The following EYA4 variants were observed in gnomAD, a reference collection of about 807,000 sequenced individuals.
EYA4 encodes the protein protein phosphatase EYA4.
In EYA4, 31 loss-of-function variants were observed where a neutral mutation model predicts 87.9. The observed-to-expected ratio is 0.35, with a 90% CI of 0.27 to 0.48. The LOEUF is 0.48. Among genes scored for constraint, EYA4 ranks in the 20% least tolerant of loss-of-function variants. The pLI is 0.99. For synonymous variants in EYA4, 263 were observed against 270.6 expected, an observed-to-expected ratio of 0.97 and a Z score of 0.28; for missense variants, 678 against 761.4, an observed-to-expected ratio of 0.89 and a Z score of 1.29.
intron 3 of EYA4, chr6:133,434,976 G>T (rs1339769958): frequency 6.6e-6 from 1 of 152,202 alleles, no homozygotes. Context: ...AGTGAATCCT[G>T]TGCCATTCAA....
At chr6:133,289,612 A>G (rs211433) in intron 2 of EYA4, among the ~76,000 whole-genome samples, 53,252 of 152,110 alleles carry the variant, frequency 0.35, 9,639 homozygotes, top group African/African-American at 0.43. Context: ...GGAAGAAACT[A>G]TGTGGCCTGT....
At chr6:133,250,789 C>T (rs899995812) in intron 1 of EYA4, among the ~76,000 whole-genome samples, 3 of 152,114 alleles carry the variant, frequency 2.0e-5, no homozygotes, top group African/African-American at 7.2e-5. Context: ...CAGAACATGC[C>T]TCATGGGGTT....
chr6:133,445,879 C>A (rs769909616), intron 3 of EYA4, among the ~76,000 whole-genome samples: 1 of 152,210 alleles, frequency 6.6e-6, no homozygotes, highest in Admixed American at 6.5e-5. Flanking sequence ...CGCGCCCGGC[C>A]TCTAGTTTCC....
intron 3 of EYA4, among the ~76,000 whole-genome samples, chr6:133,436,739 C>T (rs1229784182): frequency 6.6e-6 from 1 of 152,152 alleles, no homozygotes; most frequent in Admixed American, 6.5e-5. Context: ...GACCCATGTC[C>T]ACTTTATGCA....
Position 133,446,613 on chromosome 6 carries a change from G to C in EYA4, c.84-17G>C. 1 of 1,613,768 alleles carries C rather than the reference G, an allele frequency of 6.2e-7. No individual in the cohort carries two copies. Among genetic ancestry groups the C allele is most frequent in the Non-Finnish European group, 8.5e-7 (1 of 1,179,820 alleles). On this transcript the variant is annotated splice_polypyrimidine_tract_variant and intron_variant, in intron 3 of 19. Transcript: ENST00000355286. ...GCTGCAATTTCAACTTTTCTCTGCT[G>C]CTTACTGCTCTACCAGGTCTATGGA...
chr6:133,338,852 T>C (rs961415195), intron 2 of EYA4, among the ~76,000 whole-genome samples: 1 of 85,956 alleles, frequency 1.2e-5, no homozygotes, highest in Non-Finnish European at 3.3e-5. Flanking sequence ...ATTGCTTCTT[T>C]TTTTTTTTTG....
chr6:133,285,245 C>T (rs1043840033), intron 2 of EYA4, among the ~76,000 whole-genome samples: 1 of 152,108 alleles, frequency 6.6e-6, no homozygotes, highest in African/African-American at 2.4e-5. Flanking sequence ...ATCTGCCTGC[C>T]TCGGCCTCCC....
intron 3 of EYA4, among the ~76,000 whole-genome samples, 172 bp downstream of exon 3, chr6:133,382,613 A>T (rs773715026): frequency 6.6e-6 from 1 of 152,132 alleles, no homozygotes; most frequent in Non-Finnish European, 1.5e-5. Flanking sequence ...TCATAATATT[A>T]GTCAAAGGGA....
chr6:133,370,020 C>A (rs1785149095), intron 2 of EYA4, among the ~76,000 whole-genome samples: 1 of 152,180 alleles, frequency 6.6e-6, no homozygotes, highest in South Asian at 2.1e-4. Flanking sequence ...TGTTTACTAT[C>A]CAGGTCTCCT....
intron 2 of EYA4, among the ~76,000 whole-genome samples, chr6:133,318,953 G>T (rs996516859): frequency 6.6e-6 from 1 of 152,180 alleles, no homozygotes; most frequent in Non-Finnish European, 1.5e-5. Context: ...AATCTGTGGA[G>T]TTGTGTCCAA....
In EYA4 at chr6:133,523,193, T is replaced by G; in HGVS notation, c.1738+16T>G. 1 of 1,610,432 alleles carries G rather than the reference T, an allele frequency of 6.2e-7. No homozygotes were observed. The highest frequency in any genetic ancestry group is 1.1e-5 in the South Asian group (1 of 91,030). ...ACTAAAATAGGTAAGGAAATTATTTTAAACTCTGTATGGAATGTGTCCACA... is the reference window on the plus strand; with the variant it reads ...ACTAAAATAGGTAAGGAAATTATTTGAAACTCTGTATGGAATGTGTCCACA... On this transcript the variant is annotated intron_variant, in intron 18 of 19. Transcript: ENST00000355286.
intron 17 of EYA4, 68 bp from the exon 18 acceptor site, chr6:133,522,988 C>G (rs766165594): frequency 7.2e-7 from 1 of 1,389,782 alleles, no homozygotes; most frequent in African/African-American, 1.4e-5. Context: ...ACCACAGTGA[C>G]AATTTTAAAT....
intron 12 of EYA4, among the ~76,000 whole-genome samples, chr6:133,482,089 A>G (rs1220257323): frequency 6.6e-6 from 1 of 152,184 alleles, no homozygotes; most frequent in African/African-American, 2.4e-5. Context: ...ATTATATGTC[A>G]CTTTCTATTT....
intron 3 of EYA4, among the ~76,000 whole-genome samples, chr6:133,404,317 A>G (rs1424397981): frequency 6.6e-6 from 1 of 152,188 alleles, no homozygotes; most frequent in Non-Finnish European, 1.5e-5. Context: ...CCCAGTTACC[A>G]AAGCGATTAA....
intron 1 of EYA4, among the ~76,000 whole-genome samples, chr6:133,265,565 G>T (rs1172080403): frequency 6.6e-6 from 1 of 152,076 alleles, no homozygotes; most frequent in African/African-American, 2.4e-5. Context: ...AAATTATGAT[G>T]TAAAATAATA....
intron 2 of EYA4, among the ~76,000 whole-genome samples, chr6:133,343,751 T>C (rs1562311091): frequency 6.6e-6 from 1 of 151,980 alleles, no homozygotes; most frequent in East Asian, 1.9e-4. Flanking sequence ...TGTTTCAAAA[T>C]AGAAAAGGAA....
intron 2 of EYA4, among the ~76,000 whole-genome samples, chr6:133,313,663 G>A (rs190988785): frequency 6.6e-6 from 1 of 152,254 alleles, no homozygotes; most frequent in South Asian, 2.1e-4. Flanking sequence ...CAGCTATTCA[G>A]ATAACTTTAG....
intron 13 of EYA4, among the ~76,000 whole-genome samples, chr6:133,484,308 A>G (rs1426521795): frequency 1.3e-5 from 2 of 152,196 alleles, no homozygotes; most frequent in Non-Finnish European, 1.5e-5. Flanking sequence ...CCATTATTTT[A>G]TAATATCTCA....
At chr6:133,462,154 TG>T in intron 7 of EYA4, 180 bp from the exon 8 acceptor site, 1 of 695,118 alleles carries the variant, frequency 1.4e-6, no homozygotes, top group Non-Finnish European at 2.5e-6. Flanking sequence ...GTCACTAGAT[TG>T]GCTTGTAGCA....
Sources: allele counts gnomAD v4.1 joint callset (sites outside exome capture counted in the v4.1 genomes callset), GRCh38; gene constraint gnomAD v4.1.1; transcripts MANE v1.5; gene names NCBI Gene and HGNC (gene_info 2026-07-23, HGNC 2026-07-21).